Variants in CDON observed in about 807,000 individuals in gnomAD.
CDON encodes the protein cell adhesion molecule-related/down-regulated by oncogenes.
In CDON, 73 loss-of-function variants were observed where a neutral mutation model predicts 120.9. The ratio of observed to expected loss-of-function variants is 0.60; its 90% CI spans 0.50 to 0.73. The LOEUF (loss-of-function observed/expected upper bound fraction) is 0.73, where lower values mean the gene tolerates loss of function less well. Among genes scored for constraint, CDON ranks in the 30% least tolerant of loss-of-function variants. The pLI, the probability that CDON is intolerant of heterozygous loss-of-function variation, is 0.00. For missense variants in CDON, 1,470 were observed against 1,587.3 expected, an observed-to-expected ratio of 0.93 and a Z score of 1.26; for synonymous variants, 566 against 573.5, an observed-to-expected ratio of 0.99 and a Z score of 0.19.
chr11:126,008,224 G>A (rs952897950), intron 8 of CDON, among the ~76,000 whole-genome samples: 8 of 152,142 alleles, frequency 5.3e-5, no homozygotes, highest in Non-Finnish European at 8.8e-5. Flanking sequence ...AGGCTGGGGA[G>A]AGAGTTATCT....
At chr11:126,015,533 A>C in intron 6 of CDON, 23 bp from the exon 7 acceptor site, 1 of 1,612,026 alleles carries the variant, frequency 6.2e-7, no homozygotes, top group Non-Finnish European at 8.5e-7. Flanking sequence ...CACACAAATT[A>C]AACTCTAGCC....
At chr11:126,024,903 GA>G (rs1159419882) in intron 1 of CDON, among the ~76,000 whole-genome samples, 2 of 152,116 alleles carry the variant, frequency 1.3e-5, no homozygotes, top group East Asian at 3.8e-4. Context: ...TGTTCAGGGA[GA>G]ATATAAGAAA....
At chr11:126,003,844 ACT>A in intron 10 of CDON, 56 bp downstream of exon 10, 2 of 1,453,690 alleles carry the variant, frequency 1.4e-6, no homozygotes, top group Non-Finnish European at 1.9e-6. Context: ...AATAATTCTC[ACT>A]AATAAATTGA....
Position 126,006,007 on chromosome 11 carries a change from C to T in CDON, c.1603G>A (p.Ala535Thr), listed in dbSNP as rs76247998. Residue 535 changes from alanine to threonine, a missense_variant, in exon 9 of 20, where the codon GCT (alanine) becomes ACT (threonine). Physicochemically the swap from Ala to Thr is moderately conservative, Grantham distance 58. Transcript: ENST00000531738. ...KAETVTLPDAAQNDDRSKRDG... is the reference protein window; with the variant it reads ...KAETVTLPDATQNDDRSKRDG... ...CTCTTACTTCTGTCATCATTCTGAG[C>T]AGCATCAGGAAGTGTGACTGTCTCT... 4.1e-3 allele frequency: 6,585 copies of T among 1,614,058 alleles called. 266 individuals are homozygous for T. In the African/African-American group the frequency reaches 0.078, roughly 19 times the overall value.
intron 15 of CDON, among the ~76,000 whole-genome samples, chr11:125,988,994 G>GGT (rs929115755): frequency 2.0e-4 from 30 of 151,562 alleles, no homozygotes; most frequent in African/African-American, 7.3e-4. Context: ...AAAACGGAAG[G>GGT]GTTCATGACC....
chr11:125,971,410 A>ATTAATTAATTAAT (rs1347556572), intron 18 of CDON, among the ~76,000 whole-genome samples: 4 of 150,752 alleles, frequency 2.7e-5, no homozygotes, highest in African/African-American at 9.8e-5. Flanking sequence ...AAATAAATAA[A>ATTAATTAATTAAT]TAATAATAAT....
intron 14 of CDON, among the ~76,000 whole-genome samples, chr11:125,992,548 C>T (rs1003443228): frequency 1.4e-4 from 22 of 152,114 alleles, no homozygotes; most frequent in Admixed American, 1.0e-3. Flanking sequence ...CAGCTACTAT[C>T]GTGAGTCCTA....
chr11:126,021,122 A>C, intron 3 of CDON, 126 bp downstream of exon 3: 4 of 976,116 alleles, frequency 4.1e-6, no homozygotes, highest in Non-Finnish European at 6.2e-6. Flanking sequence ...AGCAAGAGTC[A>C]AGGCTGAGAT....
intron 18 of CDON, among the ~76,000 whole-genome samples, chr11:125,967,913 G>A (rs1451009157): frequency 6.6e-6 from 1 of 152,076 alleles, no homozygotes; most frequent in Non-Finnish European, 1.5e-5. Flanking sequence ...TAGAGAAGGG[G>A]GTCTCATTAT....
At chr11:126,038,868 A>C (rs1235978388) in intron 1 of CDON, among the ~76,000 whole-genome samples, 1 of 152,204 alleles carries the variant, frequency 6.6e-6, no homozygotes, top group Admixed American at 6.5e-5. Context: ...AAACATAAGA[A>C]ATAATTTTGT....
chr11:125,996,938 A>T (rs894724584), intron 12 of CDON, among the ~76,000 whole-genome samples: 1 of 152,126 alleles, frequency 6.6e-6, no homozygotes, highest in Non-Finnish European at 1.5e-5. Context: ...CTTTAGTAGG[A>T]GACCGAGGGC....
At position 125,958,593 on chromosome 11, in the gene CDON, T is replaced by TG. The variant is rs1565482671; in HGVS notation, c.*2348_*2349insC. 9.7e-6 allele frequency: 1 copy of TG among 103,174 alleles called. No individual in the cohort carries two copies. The highest frequency in any genetic ancestry group is 1.9e-5 in the Non-Finnish European group (1 of 51,820). The allele number at this position is 103,174 out of a possible 1,614,324, so 6.4% of individuals were successfully genotyped here. On this transcript the variant is annotated 3_prime_UTR_variant, in exon 20 of 20. Coordinates refer to ENST00000531738, the MANE Select transcript of CDON (RefSeq NM_001378964.1). The stretch of plus-strand genomic sequence containing the variant: ...TGTGTGTGTGTGTGTGTGTGTGTGT[T>TG]TATATATATATATTTATATATTTCA...
In CDON at chr11:126,057,635, C is replaced by T. The variant is rs142279410; in HGVS notation, c.-62+4944G>A. ...GGGTACTGGTTACCACAGACATGTG[C>T]ATATGTAACAATTCATCTAGCTGTT... On this transcript the variant is annotated intron_variant, in intron 1 of 19. Coordinates refer to ENST00000531738, the MANE Select transcript of CDON (RefSeq NM_001378964.1). 7.0e-3 allele frequency among the ~76,000 whole-genome samples: 1,064 copies of T among 152,302 alleles called. 5 individuals carry two copies. Among genetic ancestry groups the T allele is most frequent in the Admixed American group, 0.011 (168 of 15,302 alleles).
rs1372379856 is a variant in CDON, at chr11:125,956,911, T to C, written c.*4031A>G. The C allele has an allele frequency of 1.3e-5, 12 of 944,834 alleles. No homozygotes were observed. Among genetic ancestry groups the C allele is most frequent in the Non-Finnish European group, 1.5e-5 (12 of 792,966 alleles). 58.5% of individuals were successfully genotyped at this position (944,834 alleles called of 1,614,324 possible). A position where few individuals can be genotyped will look rare whatever the true frequency, so the allele number is the denominator to read the frequency against. On this transcript the variant is annotated 3_prime_UTR_variant, in exon 20 of 20. Transcript: ENST00000531738. ...CTGGGGCTAGGGTTTAAGGAAGGCT[T>C]ATTTAAATATGGGAAATAAAATACA...
At chr11:126,028,353 C>T (rs930125851) in intron 1 of CDON, among the ~76,000 whole-genome samples, 6 of 151,318 alleles carry the variant, frequency 4.0e-5, no homozygotes, top group Non-Finnish European at 7.4e-5. Context: ...ATTTAGTGAT[C>T]ATTTTTCCTT....
intron 8 of CDON, among the ~76,000 whole-genome samples, chr11:126,007,215 G>C (rs967627909): frequency 1.3e-5 from 2 of 152,162 alleles, no homozygotes; most frequent in African/African-American, 4.8e-5. Flanking sequence ...TAAAAGATGG[G>C]TGTGTTTTTG....
At chr11:125,978,576 A>G (rs1359481635) in intron 17 of CDON, among the ~76,000 whole-genome samples, 193 bp from the exon 18 acceptor site, 1 of 152,230 alleles carries the variant, frequency 6.6e-6, no homozygotes, top group Non-Finnish European at 1.5e-5. Context: ...GGAGTGAATG[A>G]GAGTTCTGCA....
At chr11:126,021,124 G>A (rs1192908479) in intron 3 of CDON, 124 bp downstream of exon 3, 22 of 996,170 alleles carry the variant, frequency 2.2e-5, no homozygotes, top group Non-Finnish European at 3.3e-5. Flanking sequence ...CAAGAGTCAA[G>A]GCTGAGATAA....
At chr11:125,981,971 T>TTTTC (rs1946322593) in intron 16 of CDON, among the ~76,000 whole-genome samples, 13 of 30,608 alleles carry the variant, frequency 4.2e-4, no homozygotes, top group African/African-American at 5.1e-4. Context: ...TTCTATTTTC[T>TTTTC]TTTTTTTTTT....
Sources: allele counts gnomAD v4.1 joint callset (sites outside exome capture counted in the v4.1 genomes callset), GRCh38; gene constraint gnomAD v4.1.1; transcripts MANE v1.5; gene names NCBI Gene and HGNC (gene_info 2026-07-23, HGNC 2026-07-21).